Variants in LEKR1 observed in about 807,000 individuals in gnomAD.
The protein encoded by LEKR1 is protein LEKR1.
A neutral mutation model predicts 72.4 loss-of-function variants in LEKR1; 59 were observed. The observed-to-expected ratio is 0.82, with a 90% CI of 0.66 to 1.01. The LOEUF (loss-of-function observed/expected upper bound fraction) is 1.01, where lower values mean the gene tolerates loss of function less well. LEKR1 is among the 50% of genes least tolerant of loss of function. The probability of loss-of-function intolerance (pLI) is 0.00; values close to 1 mark genes in which losing one functional copy is unlikely to be tolerated. For missense variants in LEKR1, 728 were observed against 759.2 expected (o/e 0.96, Z 0.48); for synonymous variants, 257 against 263.2 (o/e 0.98, Z 0.23).
At chr3:156,983,064 G>A (rs11714269) in intron 7 of LEKR1, among the ~76,000 whole-genome samples, 17,561 of 151,980 alleles carry the variant, frequency 0.12, 1,375 homozygotes, top group African/African-American at 0.22. Flanking sequence ...CATCAGTTTT[G>A]TAAACTGATA....
chr3:156,983,882 T>G (rs1023477691), intron 7 of LEKR1, among the ~76,000 whole-genome samples: 1 of 152,038 alleles, frequency 6.6e-6, no homozygotes, highest in African/African-American at 2.4e-5. Context: ...AGTCTGAGGA[T>G]TCAACACAAC....
chr3:156,871,810 T>C (rs1717993190), intron 3 of LEKR1, among the ~76,000 whole-genome samples: 1 of 152,190 alleles, frequency 6.6e-6, no homozygotes, highest in South Asian at 2.1e-4. Context: ...ATGTATTTTT[T>C]TGATGTGTGG....
chr3:156,909,583 A>G (rs1394673945), intron 3 of LEKR1, among the ~76,000 whole-genome samples: 2 of 150,556 alleles, frequency 1.3e-5, no homozygotes, highest in Non-Finnish European at 3.0e-5. Flanking sequence ...CCCGGGAGGC[A>G]GAGGTTACAG....
chr3:156,868,317 A>G (rs1717536846), intron 3 of LEKR1, among the ~76,000 whole-genome samples: 1 of 152,014 alleles, frequency 6.6e-6, no homozygotes, highest in Non-Finnish European at 1.5e-5. Context: ...AATTTCCTAG[A>G]ATGTATATTC....
At chr3:156,877,957 A>G (rs1469766440) in intron 3 of LEKR1, among the ~76,000 whole-genome samples, 1 of 151,658 alleles carries the variant, frequency 6.6e-6, no homozygotes, top group East Asian at 1.9e-4. Context: ...TAATTTTTGT[A>G]TTTTTGGTAG....
chr3:156,980,787 T>C (rs1192591020), intron 7 of LEKR1, among the ~76,000 whole-genome samples: 1 of 152,092 alleles, frequency 6.6e-6, no homozygotes, highest in Non-Finnish European at 1.5e-5. Context: ...GCATATATAG[T>C]GGAGTCTTAG....
chr3:156,876,593 G>C (rs1292035352), intron 3 of LEKR1, among the ~76,000 whole-genome samples: 1 of 152,114 alleles, frequency 6.6e-6, no homozygotes. Flanking sequence ...GTTGTAAAAG[G>C]GATAGAGTTC....
At chr3:156,908,256 T>G (rs1161319963) in intron 3 of LEKR1, among the ~76,000 whole-genome samples, 3 of 152,136 alleles carry the variant, frequency 2.0e-5, no homozygotes, top group Admixed American at 1.3e-4. Flanking sequence ...TTTGAGACTC[T>G]CCGAATATTC....
intron 3 of LEKR1, among the ~76,000 whole-genome samples, chr3:156,890,194 TCTTAA>T (rs919563920): frequency 6.6e-6 from 1 of 152,224 alleles, no homozygotes; most frequent in Non-Finnish European, 1.5e-5. Context: ...ATAAAAGTTT[TCTTAA>T]CTTTAGGAAA....
intron 9 of LEKR1, among the ~76,000 whole-genome samples, chr3:156,996,628 T>C (rs1456830094): frequency 2.0e-5 from 3 of 152,200 alleles, no homozygotes; most frequent in Non-Finnish European, 4.4e-5. Flanking sequence ...AAGGATTTTA[T>C]AGGTAGTGAA....
intron 2 of LEKR1, among the ~76,000 whole-genome samples, chr3:156,843,513 A>G (rs2108533411): frequency 6.6e-6 from 1 of 152,308 alleles, no homozygotes; most frequent in East Asian, 1.9e-4. Context: ...TTTGCAAAAC[A>G]GAAGTAGCGA....
chr3:156,910,458 G>A (rs1179091456), intron 3 of LEKR1, among the ~76,000 whole-genome samples: 1 of 152,172 alleles, frequency 6.6e-6, no homozygotes, highest in African/African-American at 2.4e-5. Flanking sequence ...ATTGAATCAT[G>A]GAGGGATTAC....
chr3:156,974,823 A>C (rs1410089640), intron 6 of LEKR1, among the ~76,000 whole-genome samples: 2 of 152,176 alleles, frequency 1.3e-5, no homozygotes, highest in African/African-American at 2.4e-5. Flanking sequence ...CCATAGTTGC[A>C]CTATAGATTG....
At chr3:156,832,189 G>A (rs1440891547) in intron 2 of LEKR1, among the ~76,000 whole-genome samples, 2 of 151,444 alleles carry the variant, frequency 1.3e-5, no homozygotes, top group Non-Finnish European at 2.9e-5. Flanking sequence ...TAAGTGAACA[G>A]GTGGACTATA....
intron 12 of LEKR1, among the ~76,000 whole-genome samples, chr3:157,045,074 C>G (rs1162336364): frequency 6.6e-6 from 1 of 152,180 alleles, no homozygotes; most frequent in East Asian, 1.9e-4. Flanking sequence ...CTGAGTAACC[C>G]TGGACAGGTC....
intron 3 of LEKR1, among the ~76,000 whole-genome samples, chr3:156,915,115 T>C (rs1723498712): frequency 6.6e-6 from 1 of 152,154 alleles, no homozygotes; most frequent in Non-Finnish European, 1.5e-5. Flanking sequence ...GCAAAGGACA[T>C]GATCTCATTC....
chr3:157,032,644 A>G (rs1237840066), intron 12 of LEKR1, among the ~76,000 whole-genome samples: 1 of 152,224 alleles, frequency 6.6e-6, no homozygotes, highest in East Asian at 1.9e-4. Context: ...CTTATCATAT[A>G]GAATACTGAA....
intron 2 of LEKR1, among the ~76,000 whole-genome samples, chr3:156,843,292 C>T (rs1405916867): frequency 1.3e-5 from 2 of 152,112 alleles, no homozygotes; most frequent in Non-Finnish European, 2.9e-5. Flanking sequence ...GAATAATTTT[C>T]CTTTTGCTGT....
intron 9 of LEKR1, among the ~76,000 whole-genome samples, chr3:157,007,128 G>A (rs1732513407): frequency 6.6e-6 from 1 of 152,288 alleles, no homozygotes; most frequent in East Asian, 1.9e-4. Context: ...CGTGAACCCG[G>A]GAGGCGGAGC....
Sources: gnomAD v4.1 joint callset for allele counts (sites outside exome capture counted in the v4.1 genomes callset) on GRCh38, gnomAD v4.1.1 for gene constraint, MANE v1.5 for transcripts, NCBI Gene and HGNC (gene_info 2026-07-23, HGNC 2026-07-21) for gene names.